Variants in VAV3 observed in about 807,000 individuals in gnomAD.
The protein encoded by VAV3 is guanine nucleotide exchange factor VAV3.
Under a neutral mutation model 131.2 loss-of-function variants are expected in VAV3, and 94 were observed. The observed-to-expected ratio is 0.72, with a 90% CI of 0.61 to 0.85. VAV3 has a LOEUF of 0.85. Ranked by LOEUF, VAV3 falls within the 40% of genes least tolerant of loss-of-function variation. The probability of loss-of-function intolerance (pLI) is 0.00; values close to 1 mark genes in which losing one functional copy is unlikely to be tolerated. For missense variants in VAV3, 939 were observed against 1,002.7 expected, an observed-to-expected ratio of 0.94 and a Z score of 0.86; for synonymous variants, 349 against 342.0, an observed-to-expected ratio of 1.02 and a Z score of -0.22.
intron 1 of VAV3, among the ~76,000 whole-genome samples, chr1:107,898,451 T>G (rs917336546): frequency 2.0e-4 from 30 of 152,222 alleles, no homozygotes; most frequent in African/African-American, 6.3e-4. Flanking sequence ...AGTGGCCTTC[T>G]GAGTGAAGCA....
chr1:107,837,059 C>G (rs1225851306), intron 2 of VAV3, among the ~76,000 whole-genome samples: 1 of 152,128 alleles, frequency 6.6e-6, no homozygotes, highest in South Asian at 2.1e-4. Flanking sequence ...CTCTACAAAG[C>G]CAGCATCATC....
At chr1:107,732,574 T>A (rs1662317861) in intron 15 of VAV3, among the ~76,000 whole-genome samples, 1 of 152,174 alleles carries the variant, frequency 6.6e-6, no homozygotes, top group East Asian at 1.9e-4. Flanking sequence ...CACGCCTGGC[T>A]CAGAGGGTCC....
chr1:107,589,411 C>A (rs145153776), intron 25 of VAV3, among the ~76,000 whole-genome samples: 47 of 152,266 alleles, frequency 3.1e-4, no homozygotes, highest in African/African-American at 1.0e-3. Context: ...GAGACTGGAG[C>A]GGTGCATCTA....
chr1:107,694,582 C>A (rs1570767231), intron 17 of VAV3, among the ~76,000 whole-genome samples: 1 of 152,128 alleles, frequency 6.6e-6, no homozygotes, highest in East Asian at 1.9e-4. Context: ...AAGTACCAGC[C>A]AGGGACTCAG....
At chr1:107,817,149 T>A (rs546946239) in intron 2 of VAV3, among the ~76,000 whole-genome samples, 1 of 152,316 alleles carries the variant, frequency 6.6e-6, no homozygotes, top group South Asian at 2.1e-4. Flanking sequence ...AAGACACATA[T>A]CTGACGCATT....
At chr1:107,828,534 G>A (rs1261355192) in intron 2 of VAV3, among the ~76,000 whole-genome samples, 1 of 152,122 alleles carries the variant, frequency 6.6e-6, no homozygotes, top group Non-Finnish European at 1.5e-5. Context: ...GGGGTTGGCA[G>A]GGTAGTATCC....
intron 1 of VAV3, among the ~76,000 whole-genome samples, chr1:107,939,888 A>G (rs79638891): frequency 0.058 from 8,768 of 152,188 alleles, 351 homozygotes; most frequent in African/African-American, 0.11. Flanking sequence ...CAGAGGAGGA[A>G]GAGTAAGACA....
chr1:107,714,160 T>C (rs996520460), intron 15 of VAV3, among the ~76,000 whole-genome samples: 30 of 152,222 alleles, frequency 2.0e-4, no homozygotes, highest in African/African-American at 6.5e-4. Flanking sequence ...AAATTGACCT[T>C]TTGAGACCAA....
chr1:107,699,469 G>A (rs867576656), intron 17 of VAV3, among the ~76,000 whole-genome samples: 10 of 152,204 alleles, frequency 6.6e-5, no homozygotes, highest in Non-Finnish European at 8.8e-5. Context: ...GAGTGTCTGC[G>A]GGTTTTCCAG....
intron 1 of VAV3, among the ~76,000 whole-genome samples, chr1:107,911,374 A>C (rs957380281): frequency 1.3e-5 from 2 of 152,226 alleles, no homozygotes; most frequent in African/African-American, 4.8e-5. Flanking sequence ...TGAGTTCAAC[A>C]CAGGAGAAAA....
intron 2 of VAV3, among the ~76,000 whole-genome samples, chr1:107,865,036 C>G (rs1310706054): frequency 6.6e-6 from 1 of 152,198 alleles, no homozygotes; most frequent in Non-Finnish European, 1.5e-5. Context: ...TCAATTCACA[C>G]TCTTCACCAC....
intron 1 of VAV3, among the ~76,000 whole-genome samples, chr1:107,905,631 C>T (rs11185212): frequency 0.16 from 24,247 of 152,036 alleles, 2,026 homozygotes; most frequent in South Asian, 0.22. Flanking sequence ...ATGGGAAATA[C>T]TTTAAAAGGC....
chr1:107,727,260 G>T (rs1367295492), intron 15 of VAV3, among the ~76,000 whole-genome samples: 2 of 152,178 alleles, frequency 1.3e-5, no homozygotes, highest in Non-Finnish European at 2.9e-5. Flanking sequence ...TCGTAATTTT[G>T]TTCTCCTTGA....
chr1:107,589,589 T>C (rs1254449393), intron 25 of VAV3, among the ~76,000 whole-genome samples: 1 of 152,226 alleles, frequency 6.6e-6, no homozygotes, highest in Non-Finnish European at 1.5e-5. Flanking sequence ...GCCACTTGGT[T>C]CGTGATAATT....
At chr1:107,677,062 T>C (rs1473293011) in intron 19 of VAV3, among the ~76,000 whole-genome samples, 2 of 152,184 alleles carry the variant, frequency 1.3e-5, no homozygotes. Flanking sequence ...TAAGCTTTTA[T>C]TTTCATTCAA....
chr1:107,731,153 C>T (rs1662216128), intron 15 of VAV3, among the ~76,000 whole-genome samples: 1 of 152,166 alleles, frequency 6.6e-6, no homozygotes, highest in African/African-American at 2.4e-5. Flanking sequence ...TGAAGCCATC[C>T]TTTAAATACT....
At chr1:107,576,286 G>A in intron 25 of VAV3, 1 of 908,226 alleles carries the variant, frequency 1.1e-6, no homozygotes, top group Admixed American at 3.4e-5. Flanking sequence ...TCGAGGGATT[G>A]TCTGTGAGGA....
chr1:107,827,182 A>G (rs772074608), intron 2 of VAV3, among the ~76,000 whole-genome samples: 3 of 152,154 alleles, frequency 2.0e-5, no homozygotes, highest in Non-Finnish European at 4.4e-5. Flanking sequence ...GCTAAATAAA[A>G]TTTTCTGTGA....
chr1:107,728,316 G>C (rs746794417), intron 15 of VAV3, among the ~76,000 whole-genome samples: 18 of 152,038 alleles, frequency 1.2e-4, no homozygotes, highest in Non-Finnish European at 2.2e-4. Context: ...TAAAGGACCT[G>C]GTTCCTTTAA....
Sources: allele counts gnomAD v4.1 joint callset (sites outside exome capture counted in the v4.1 genomes callset), GRCh38; gene constraint gnomAD v4.1.1; transcripts MANE v1.5; gene names NCBI Gene and HGNC (gene_info 2026-07-23, HGNC 2026-07-21).